Variants in LGSN observed in about 807,000 individuals in gnomAD.
The protein encoded by LGSN is lengsin, lens protein with glutamine synthetase domain, also known as lengsin.
In LGSN, 21 loss-of-function variants were observed where a neutral mutation model predicts 19.5. That is an observed-to-expected ratio of 1.07 (90% CI 0.76 to 1.55). The LOEUF is 1.55. Ranked by LOEUF, LGSN falls within the 40% of genes most tolerant of loss-of-function variation. The probability of loss-of-function intolerance (pLI) is 0.00; values close to 1 mark genes in which losing one functional copy is unlikely to be tolerated. For missense variants in LGSN, 673 were observed against 608.5 expected (o/e 1.11, Z -1.12); for synonymous variants, 257 against 215.6 (o/e 1.19, Z -1.68).
the LGSN span, among the ~76,000 whole-genome samples, chr6:63,346,101 A>G: frequency 6.6e-5 from 10 of 152,096 alleles, no homozygotes; most frequent in African/African-American, 2.4e-4. Context: ...AAACTCTTCT[A>G]ATTTCCTGAG....
the LGSN span, among the ~76,000 whole-genome samples, chr6:63,432,823 C>A: frequency 6.6e-6 from 1 of 152,098 alleles, no homozygotes; most frequent in Admixed American, 6.6e-5. Context: ...TTTACCTCCC[C>A]AGAGGTACAT....
At chr6:63,470,256 T>TA in the LGSN span, among the ~76,000 whole-genome samples, 1 of 151,264 alleles carries the variant, frequency 6.6e-6, no homozygotes. Context: ...TCACCTGAGG[T>TA]CAGGAGTTCA....
intron 1 of LGSN, among the ~76,000 whole-genome samples, chr6:63,309,215 T>C (rs1208974177): frequency 6.6e-6 from 1 of 152,146 alleles, no homozygotes; most frequent in Non-Finnish European, 1.5e-5. Context: ...GTAGATCACC[T>C]GAGGTCAGGA....
At chr6:63,349,766 T>C in the LGSN span, among the ~76,000 whole-genome samples, 2 of 152,202 alleles carry the variant, frequency 1.3e-5, no homozygotes, top group East Asian at 1.9e-4. Context: ...AAATTTATGA[T>C]AGCACAGCTT....
At chr6:63,488,842 C>CA in the LGSN span, among the ~76,000 whole-genome samples, 1,661 of 126,040 alleles carry the variant, frequency 0.013, 9 homozygotes, top group Middle Eastern at 0.016. Flanking sequence ...TAAAGTTTAC[C>CA]AAAAAAAAAA....
At chr6:63,566,901 A>T in the LGSN span, among the ~76,000 whole-genome samples, 1 of 152,236 alleles carries the variant, frequency 6.6e-6, no homozygotes, top group Non-Finnish European at 1.5e-5. Context: ...TAAATCCTTT[A>T]TCATTTCAAC....
intron 1 of LGSN, among the ~76,000 whole-genome samples, chr6:63,310,079 A>G (rs1039287050): frequency 1.3e-5 from 2 of 152,192 alleles, no homozygotes; most frequent in African/African-American, 4.8e-5. Context: ...GAATTTTCAC[A>G]TACAAACCCT....
At chr6:63,419,077 G>A in the LGSN span, among the ~76,000 whole-genome samples, 3 of 152,156 alleles carry the variant, frequency 2.0e-5, no homozygotes, top group Admixed American at 6.5e-5. Flanking sequence ...GTAGAAGTGA[G>A]GAGCACTGAC....
the LGSN span, among the ~76,000 whole-genome samples, chr6:63,456,211 C>T: frequency 6.6e-6 from 1 of 150,732 alleles, no homozygotes; most frequent in Non-Finnish European, 1.5e-5. Context: ...GCCCTGGGGA[C>T]AGTGGGAGAC....
At chr6:63,441,521 T>C in the LGSN span, 1 of 422,600 alleles carries the variant, frequency 2.4e-6, no homozygotes, top group South Asian at 2.0e-5. Flanking sequence ...ATGAAGGCTG[T>C]ACAGACAGAC....
upstream of LGSN, among the ~76,000 whole-genome samples, chr6:63,323,988 G>A (rs1185323818): frequency 6.6e-6 from 1 of 151,922 alleles, no homozygotes; most frequent in Non-Finnish European, 1.5e-5. Flanking sequence ...GGCCAGGCTG[G>A]TCTGGAACTC....
the LGSN span, among the ~76,000 whole-genome samples, chr6:63,456,926 A>G: frequency 1.3e-5 from 2 of 152,214 alleles, no homozygotes; most frequent in African/African-American, 4.8e-5. Flanking sequence ...AAAGTTTCCA[A>G]CAAAACAGTT....
At chr6:63,331,460 C>A in the LGSN span, among the ~76,000 whole-genome samples, 2 of 152,156 alleles carry the variant, frequency 1.3e-5, no homozygotes, top group Non-Finnish European at 2.9e-5. Context: ...TCAAATTGGT[C>A]CCAATGGCTT....
At chr6:63,352,165 C>T in the LGSN span, among the ~76,000 whole-genome samples, 2 of 151,234 alleles carry the variant, frequency 1.3e-5, no homozygotes, top group South Asian at 2.1e-4. Flanking sequence ...TAGGTGGCAA[C>T]ATCTACACAG....
the LGSN span, among the ~76,000 whole-genome samples, chr6:63,532,324 C>A: frequency 1.3e-5 from 2 of 152,060 alleles, no homozygotes; most frequent in East Asian, 3.9e-4. Context: ...GTTTTTTGAT[C>A]TTTTCCTATA....
the LGSN span, among the ~76,000 whole-genome samples, chr6:63,559,582 T>C: frequency 2.6e-4 from 40 of 151,960 alleles, no homozygotes; most frequent in Middle Eastern, 0.01. Flanking sequence ...CTGTCTCTAC[T>C]AAAAATACAA....
intron 1 of LGSN, among the ~76,000 whole-genome samples, chr6:63,317,330 AGTCCAATAC>A (rs1224555903): frequency 6.6e-6 from 1 of 152,226 alleles, no homozygotes; most frequent in Non-Finnish European, 1.5e-5. Flanking sequence ...GGTACAGAGA[AGTCCAATAC>A]TTTGCCCCAT....
At chr6:63,476,073 T>G in the LGSN span, among the ~76,000 whole-genome samples, 1 of 151,884 alleles carries the variant, frequency 6.6e-6, no homozygotes, top group Non-Finnish European at 1.5e-5. Context: ...TTGGTTTTTT[T>G]GTTTGTTTGT....
intron 1 of LGSN, among the ~76,000 whole-genome samples, chr6:63,298,590 T>C (rs1768069966): frequency 6.6e-6 from 1 of 152,210 alleles, no homozygotes; most frequent in Non-Finnish European, 1.5e-5. Flanking sequence ...CAATTTTCAA[T>C]ATAAAAATGG....
Sources: allele counts gnomAD v4.1 joint callset (sites outside exome capture counted in the v4.1 genomes callset), GRCh38; gene constraint gnomAD v4.1.1; transcripts MANE v1.5; gene names NCBI Gene and HGNC (gene_info 2026-07-23, HGNC 2026-07-21).